AAK1: variants seen among roughly 807,000 people sequenced by gnomAD.
The protein encoded by AAK1 is AP2-associated protein kinase 1.
AAK1 carries 37 observed loss-of-function variants against 116.0 expected under a neutral mutation model. That is an observed-to-expected ratio of 0.32 (90% CI 0.25 to 0.42). The LOEUF is 0.42. Among genes scored for constraint, AAK1 ranks in the 10% least tolerant of loss-of-function variants. The pLI is 1.00. For missense variants in AAK1, 919 were observed against 1,170.6 expected, an observed-to-expected ratio of 0.79 and a Z score of 3.14; for synonymous variants, 458 against 439.9, an observed-to-expected ratio of 1.04 and a Z score of -0.51.
At chr2:69,593,333 A>G (rs1673118066) in intron 2 of AAK1, among the ~76,000 whole-genome samples, 1 of 152,204 alleles carries the variant, frequency 6.6e-6, no homozygotes, top group Non-Finnish European at 1.5e-5. Flanking sequence ...ACTCAGTGAT[A>G]TGGAAAAATG....
intron 2 of AAK1, among the ~76,000 whole-genome samples, chr2:69,566,789 CA>C (rs1484495953): frequency 2.0e-5 from 3 of 152,090 alleles, no homozygotes; most frequent in African/African-American, 7.2e-5. Flanking sequence ...TCACATATAC[CA>C]GAGACTTTTT....
intron 19 of AAK1, among the ~76,000 whole-genome samples, chr2:69,479,943 C>T (rs566896096): frequency 3.3e-5 from 5 of 152,062 alleles, no homozygotes; most frequent in Admixed American, 6.5e-5. Context: ...TTAGTGGAGA[C>T]GGCGTTTCTC....
chr2:69,476,337 TTTTGC>T (rs1369304075), intron 21 of AAK1, among the ~76,000 whole-genome samples: 2 of 152,156 alleles, frequency 1.3e-5, no homozygotes, highest in African/African-American at 4.8e-5. Flanking sequence ...AATCAATAAT[TTTTGC>T]TTTGGGGAGA....
chr2:69,528,437 A>T (rs1670110081), intron 8 of AAK1, among the ~76,000 whole-genome samples: 1 of 152,214 alleles, frequency 6.6e-6, no homozygotes, highest in Admixed American at 6.5e-5. Context: ...GCATGAGCTG[A>T]CAGAGTCTGT....
intron 2 of AAK1, among the ~76,000 whole-genome samples, chr2:69,636,525 A>G (rs184924134): frequency 4.7e-4 from 72 of 152,278 alleles, no homozygotes; most frequent in African/African-American, 1.7e-3. Context: ...GCACTATTCT[A>G]TCCAAAAAGT....
intron 2 of AAK1, among the ~76,000 whole-genome samples, chr2:69,572,620 TAAAAAAA>T (rs768419313): frequency 9.4e-6 from 1 of 106,878 alleles, no homozygotes; most frequent in African/African-American, 3.5e-5. Flanking sequence ...ACTCTGTCTT[TAAAAAAA>T]AAAAAAAAAA....
In AAK1 at chr2:69,460,023, G is replaced by T. The variant is rs1287074381; in HGVS notation, c.*15846C>A. On this transcript the variant is annotated 3_prime_UTR_variant, in exon 22 of 22. Coordinates refer to ENST00000409085, the MANE Select transcript of AAK1 (RefSeq NM_014911.5). ...GAACATTAGAACTCAGGGGTGGTTT[G>T]GATATTAACAAGGTACTCCTGCCTC... is the stretch of plus-strand genomic sequence containing the variant. 1.3e-5 allele frequency: 2 copies of T among 152,092 alleles called. No homozygotes were observed. The highest frequency in any genetic ancestry group is 2.9e-5 in the Non-Finnish European group (2 of 68,020). The allele number at this position is 152,092 out of a possible 1,614,324, so 9.4% of individuals were successfully genotyped here.
At position 69,474,799 on chromosome 2, in the gene AAK1, G is replaced by C; in HGVS notation, c.*1070C>G. On this transcript the variant is annotated 3_prime_UTR_variant, in exon 22 of 22. Coordinates refer to ENST00000409085, the MANE Select transcript of AAK1 (RefSeq NM_014911.5). ...GTAGGATTGTTGTGTAGTTATACAA[G>C]GGAAAGAAATCAAAACCCTGTACAG... 4.1e-6 allele frequency: 4 copies of C among 985,680 alleles called. No homozygotes were observed. Among genetic ancestry groups the C allele is most frequent in the Non-Finnish European group, 4.8e-6 (4 of 829,896 alleles). The allele number at this position is 985,680 out of a possible 1,614,324, so 61.1% of individuals were successfully genotyped here. A position where few individuals can be genotyped will look rare whatever the true frequency, so the allele number is the denominator to read the frequency against.
At chr2:69,639,900 A>T (rs1675627534) in intron 2 of AAK1, among the ~76,000 whole-genome samples, 1 of 152,030 alleles carries the variant, frequency 6.6e-6, no homozygotes, top group South Asian at 2.1e-4. Context: ...GCCTTTAAGG[A>T]GCTGGTGAGG....
intron 14 of AAK1, 102 bp downstream of exon 14, chr2:69,509,129 C>G (rs754937856): frequency 1.1e-6 from 1 of 929,552 alleles, no homozygotes; most frequent in Non-Finnish European, 1.7e-6. Context: ...ACTGTATTTG[C>G]ATTACACACA....
At chr2:69,573,853 G>C (rs986909367) in intron 2 of AAK1, among the ~76,000 whole-genome samples, 16 of 151,848 alleles carry the variant, frequency 1.1e-4, no homozygotes, top group African/African-American at 2.4e-4. Flanking sequence ...ACAAAAATTA[G>C]CTGGGCGTGG....
At chr2:69,573,056 T>G (rs1672154425) in intron 2 of AAK1, among the ~76,000 whole-genome samples, 1 of 152,098 alleles carries the variant, frequency 6.6e-6, no homozygotes, top group Non-Finnish European at 1.5e-5. Flanking sequence ...AGCAGAGACC[T>G]AGCATTAACA....
chr2:69,473,916 C>G lies in AAK1; in HGVS notation c.*1953G>C. On this transcript the variant is annotated 3_prime_UTR_variant, in exon 22 of 22. Transcript: ENST00000409085. ...TCCTATTTTCACTGCTATCCAACCACAGAGAGCCCTTCGTGGATATCTTTT... is the reference window on the plus strand; with the variant it reads ...TCCTATTTTCACTGCTATCCAACCAGAGAGAGCCCTTCGTGGATATCTTTT... The G allele has an allele frequency of 2.0e-6, 2 of 985,860 alleles. No homozygotes were observed. The highest frequency in any genetic ancestry group is 3.5e-5 in the African/African-American group (2 of 57,354). The allele number at this position is 985,860 out of a possible 1,614,324, so 61.1% of individuals were successfully genotyped here.
chr2:69,544,605 C>T, intron 3 of AAK1, 61 bp from the exon 4 acceptor site: 1 of 1,186,340 alleles, frequency 8.4e-7, no homozygotes, highest in East Asian at 2.3e-5. Context: ...CAGAATTAGC[C>T]AGTCAGTTCC....
chr2:69,604,081 C>T (rs1163119906), intron 2 of AAK1, among the ~76,000 whole-genome samples: 1 of 152,216 alleles, frequency 6.6e-6, no homozygotes, highest in Non-Finnish European at 1.5e-5. Context: ...CCCTTCAGAA[C>T]AACCAGAGCT....
chr2:69,539,054 T>C (rs1254346303), intron 5 of AAK1, among the ~76,000 whole-genome samples: 1 of 152,202 alleles, frequency 6.6e-6, no homozygotes, highest in Middle Eastern at 3.2e-3. Context: ...AAGCACTCCC[T>C]CATTCAACCT....
intron 2 of AAK1, among the ~76,000 whole-genome samples, chr2:69,557,892 C>T (rs970072640): frequency 2.6e-5 from 4 of 152,078 alleles, no homozygotes; most frequent in Non-Finnish European, 4.4e-5. Flanking sequence ...AAGATTCTTC[C>T]GGACCTCCCT....
At chr2:69,612,455 T>C (rs541241476) in intron 2 of AAK1, among the ~76,000 whole-genome samples, 128 of 152,328 alleles carry the variant, frequency 8.4e-4, no homozygotes, top group Non-Finnish European at 1.4e-3. Flanking sequence ...ACTTGCTACA[T>C]AAGCACTAAA....
At chr2:69,492,051 T>C (rs1319172412) in intron 17 of AAK1, among the ~76,000 whole-genome samples, 1 of 152,096 alleles carries the variant, frequency 6.6e-6, no homozygotes, top group Non-Finnish European at 1.5e-5. Flanking sequence ...AAGGACTCAC[T>C]TCCTCACCCA....
Sources: allele counts gnomAD v4.1 joint callset (sites outside exome capture counted in the v4.1 genomes callset), GRCh38; gene constraint gnomAD v4.1.1; transcripts MANE v1.5; gene names NCBI Gene and HGNC (gene_info 2026-07-23, HGNC 2026-07-21).